CACNA2D3: variants seen among roughly 807,000 people sequenced by gnomAD.
CACNA2D3 encodes calcium voltage-gated channel auxiliary subunit alpha2delta 3, also known as voltage-dependent calcium channel subunit alpha-2/delta-3.
A neutral mutation model predicts 160.6 loss-of-function variants in CACNA2D3; 60 were observed. The ratio of observed to expected loss-of-function variants is 0.37; its 90% confidence interval spans 0.30 to 0.46. CACNA2D3 has a LOEUF of 0.46. CACNA2D3 is among the 20% of genes least tolerant of loss of function. The probability of loss-of-function intolerance (pLI) is 1.00; values close to 1 mark genes in which losing one functional copy is unlikely to be tolerated. For missense variants in CACNA2D3, 1,205 were observed against 1,365.0 expected, an observed-to-expected ratio of 0.88 and a Z score of 1.85; for synonymous variants, 558 against 492.9, an observed-to-expected ratio of 1.13 and a Z score of -1.75.
At chr3:54,908,690 C>T (rs190207489) in intron 27 of CACNA2D3, among the ~76,000 whole-genome samples, 5 of 152,204 alleles carry the variant, frequency 3.3e-5, no homozygotes, top group Middle Eastern at 3.2e-3. Flanking sequence ...GTGCTCCAGC[C>T]TGGGTGACAG....
At chr3:54,753,062 T>C (rs1575458199) in intron 12 of CACNA2D3, among the ~76,000 whole-genome samples, 1 of 152,254 alleles carries the variant, frequency 6.6e-6, no homozygotes, top group East Asian at 1.9e-4. Flanking sequence ...GGTTTCGCCA[T>C]GTTGGCCAGG....
chr3:54,367,288 A>T (rs1698842586), intron 3 of CACNA2D3, among the ~76,000 whole-genome samples: 2 of 152,220 alleles, frequency 1.3e-5, no homozygotes, highest in Admixed American at 6.5e-5. Context: ...CTTTTCAGTT[A>T]AATTACAAAA....
chr3:54,334,759 A>C, intron 3 of CACNA2D3, among the ~76,000 whole-genome samples: 1 of 152,356 alleles, frequency 6.6e-6, no homozygotes, highest in Middle Eastern at 3.4e-3. Context: ...GCATGAGCCC[A>C]TGGGTTACAT....
At chr3:54,997,542 C>T (rs1361820459) in intron 31 of CACNA2D3, among the ~76,000 whole-genome samples, 6 of 151,606 alleles carry the variant, frequency 4.0e-5, no homozygotes, top group Non-Finnish European at 8.8e-5. Context: ...GAAACCTCAT[C>T]TCTACCCACC....
intron 13 of CACNA2D3, among the ~76,000 whole-genome samples, chr3:54,812,820 T>G (rs1339771066): frequency 6.6e-6 from 1 of 152,192 alleles, no homozygotes; most frequent in Admixed American, 6.5e-5. Flanking sequence ...GTGAGATACT[T>G]AACCATTCTA....
chr3:54,251,423 C>G (rs1702187895), intron 2 of CACNA2D3, among the ~76,000 whole-genome samples: 1 of 152,206 alleles, frequency 6.6e-6, no homozygotes, highest in South Asian at 2.1e-4. Flanking sequence ...GTATAACTGT[C>G]TTAATTTGAA....
chr3:54,806,572 G>A lies in CACNA2D3; in HGVS notation c.1381-10281G>A, dbSNP rs536809395. On this transcript the variant is annotated intron_variant, in intron 13 of 37. Transcript: ENST00000474759. ...TAAAAGAGGATACAAACAAATGGAA[G>A]AAAATTCCATGCTCATGGGTAGGAA... Among the ~76,000 whole-genome samples, 445 of 151,970 alleles carry A rather than the reference G, an allele frequency of 2.9e-3. 4 individuals carry two copies. Among genetic ancestry groups the A allele is most frequent in the African/African-American group, 9.1e-3 (376 of 41,510 alleles).
intron 4 of CACNA2D3, among the ~76,000 whole-genome samples, chr3:54,483,471 TC>T (rs1700966531): frequency 6.6e-6 from 1 of 152,190 alleles, no homozygotes; most frequent in Non-Finnish European, 1.5e-5. Context: ...ACAGAGCAGT[TC>T]CCCGATCTGT....
intron 13 of CACNA2D3, among the ~76,000 whole-genome samples, chr3:54,787,654 C>G (rs182178316): frequency 6.6e-6 from 1 of 152,086 alleles, no homozygotes; most frequent in African/African-American, 2.4e-5. Context: ...GGAGAAGTGA[C>G]AAGACAAAGG....
intron 13 of CACNA2D3, among the ~76,000 whole-genome samples, chr3:54,774,514 G>A (rs1702384738): frequency 1.3e-5 from 2 of 152,014 alleles, no homozygotes; most frequent in South Asian, 2.1e-4. Flanking sequence ...TCAACTCCCA[G>A]CAGGCCACTT....
At chr3:54,937,365 C>T (rs1358600752) in intron 27 of CACNA2D3, among the ~76,000 whole-genome samples, 4 of 152,188 alleles carry the variant, frequency 2.6e-5, no homozygotes, top group Non-Finnish European at 5.9e-5. Context: ...ATACAGTTGT[C>T]CCTCGGTATA....
chr3:54,906,053 A>G (rs1372365135), intron 27 of CACNA2D3, among the ~76,000 whole-genome samples: 1 of 152,188 alleles, frequency 6.6e-6, no homozygotes, highest in African/African-American at 2.4e-5. Flanking sequence ...ATCGATGTCC[A>G]GAGACTGAGA....
At position 55,016,740 on chromosome 3, in the gene CACNA2D3, A is replaced by G. The variant is rs185572346; in HGVS notation, c.2876-1466A>G. On this transcript the variant is annotated intron_variant, in intron 34 of 37. Coordinates refer to ENST00000474759, the MANE Select transcript of CACNA2D3 (RefSeq NM_018398.3). The stretch of plus-strand genomic sequence containing the variant: ...ATTCTGACTAAAAGAGCTGATGACG[A>G]GTCTACTTCCTTTTGTTTTAAATAA... 2.9e-3 allele frequency among the ~76,000 whole-genome samples: 438 copies of G among 152,354 alleles called. 2 individuals carry two copies. The highest frequency in any genetic ancestry group is 1.0e-2 in the African/African-American group (415 of 41,586).
chr3:55,065,335 C>G (rs930152002), intron 35 of CACNA2D3, among the ~76,000 whole-genome samples: 17 of 152,122 alleles, frequency 1.1e-4, no homozygotes, highest in Middle Eastern at 3.2e-3. Context: ...ACCACAAGTT[C>G]TAGAGTTGGC....
At chr3:54,856,830 G>T (rs1274820336) in intron 17 of CACNA2D3, among the ~76,000 whole-genome samples, 1 of 152,092 alleles carries the variant, frequency 6.6e-6, no homozygotes, top group Non-Finnish European at 1.5e-5. Flanking sequence ...GCCCAGGCTG[G>T]AGTGCAGTGG....
At chr3:55,048,274 C>T (rs1704106804) in intron 35 of CACNA2D3, among the ~76,000 whole-genome samples, 1 of 139,666 alleles carries the variant, frequency 7.2e-6, no homozygotes, top group African/African-American at 2.8e-5. Context: ...AAATACGTCC[C>T]ATCAGTACCT....
chr3:54,807,517 A>T (rs1259261467), intron 13 of CACNA2D3, among the ~76,000 whole-genome samples: 1 of 152,148 alleles, frequency 6.6e-6, no homozygotes, highest in Non-Finnish European at 1.5e-5. Context: ...ACCATCTCAC[A>T]CCAGTTAGAA....
intron 4 of CACNA2D3, among the ~76,000 whole-genome samples, chr3:54,429,128 A>G (rs1377517119): frequency 6.6e-6 from 1 of 152,248 alleles, no homozygotes; most frequent in Non-Finnish European, 1.5e-5. Flanking sequence ...GGCAACAACA[A>G]AAGCAGAAAG....
intron 12 of CACNA2D3, among the ~76,000 whole-genome samples, chr3:54,763,768 T>C (rs868206692): frequency 0.01 from 95 of 9,172 alleles, no homozygotes; most frequent in Middle Eastern, 0.056. Context: ...CACATATATA[T>C]GTATATATGT....
Sources: allele counts gnomAD v4.1 joint callset (sites outside exome capture counted in the v4.1 genomes callset), GRCh38; gene constraint gnomAD v4.1.1; transcripts MANE v1.5; gene names NCBI Gene and HGNC (gene_info 2026-07-23, HGNC 2026-07-21).